PDE1C: variants seen among roughly 807,000 people sequenced by gnomAD.
PDE1C encodes dual specificity calcium/calmodulin-dependent 3',5'-cyclic nucleotide phosphodiesterase 1C.
Under a neutral mutation model 93.1 loss-of-function variants are expected in PDE1C, and 62 were observed. The observed-to-expected ratio is 0.67, with a 90% CI of 0.54 to 0.82. PDE1C has a LOEUF of 0.82. Among genes scored for constraint, PDE1C ranks in the 40% least tolerant of loss-of-function variants. The pLI, the probability that PDE1C is intolerant of heterozygous loss-of-function variation, is 0.00. For missense variants in PDE1C, 742 were observed against 884.6 expected (o/e 0.84, Z 2.04); for synonymous variants, 325 against 310.1 (o/e 1.05, Z -0.50).
At chr7:31,817,224 T>C (rs895819148) in intron 14 of PDE1C, among the ~76,000 whole-genome samples, 1 of 152,054 alleles carries the variant, frequency 6.6e-6, no homozygotes. Context: ...AAGGCCTCCT[T>C]GACAAGGTGA....
At chr7:32,106,815 A>C (rs1202677673) in intron 3 of PDE1C, among the ~76,000 whole-genome samples, 1 of 152,138 alleles carries the variant, frequency 6.6e-6, no homozygotes, top group East Asian at 1.9e-4. Context: ...ACAAAAACAT[A>C]ATCTGAAGTA....
the PDE1C span, among the ~76,000 whole-genome samples, chr7:31,657,031 G>C: frequency 2.7e-5 from 4 of 146,208 alleles, no homozygotes; most frequent in Non-Finnish European, 4.5e-5. Context: ...TGTAATAAAT[G>C]TATGTGTATA....
chr7:31,998,434 G>T (rs1785042325), intron 2 of PDE1C, among the ~76,000 whole-genome samples: 1 of 152,136 alleles, frequency 6.6e-6, no homozygotes, highest in Middle Eastern at 3.2e-3. Context: ...TCTATGGTAG[G>T]CCTCTGTGCA....
chr7:31,652,871 C>T, the PDE1C span: 8,174 of 1,585,030 alleles, frequency 5.2e-3, 30 homozygotes, highest in Non-Finnish European at 5.9e-3. Context: ...ATATAAAGGC[C>T]CAGAACAGAT....
chr7:32,272,869 A>C (rs563619321), intron 1 of PDE1C, among the ~76,000 whole-genome samples: 1 of 152,370 alleles, frequency 6.6e-6, no homozygotes, highest in East Asian at 1.9e-4. Flanking sequence ...AGCTATTCTT[A>C]TTGTGTATAA....
intron 1 of PDE1C, among the ~76,000 whole-genome samples, chr7:32,381,495 C>G (rs1784533568): frequency 6.6e-6 from 1 of 152,066 alleles, no homozygotes; most frequent in African/African-American, 2.4e-5. Context: ...TGCTCTAACC[C>G]CTCCTCTCCT....
chr7:32,270,172 T>TA lies in PDE1C; in HGVS notation c.85+28478dup, dbSNP rs1001238739. 2.8e-4 allele frequency among the ~76,000 whole-genome samples: 43 copies of TA among 151,608 alleles called. No individual in the cohort carries two copies. In the South Asian group the frequency reaches 6.9e-3, roughly 24 times the overall value. On this transcript the variant is annotated intron_variant, in intron 1 of 18. Coordinates refer to the PDE1C transcript ENST00000396193. ...ATTTTACATGCAAGTGTTTGCTTTG[T>TA]AAAAAAAAATCTAAAATAATATACT... is the stretch of plus-strand genomic sequence containing the variant.
chr7:31,670,053 CTA>C, the PDE1C span, among the ~76,000 whole-genome samples: 1 of 152,146 alleles, frequency 6.6e-6, no homozygotes, highest in Non-Finnish European at 1.5e-5. Context: ...CCAGATATTT[CTA>C]TGTCAGGAGC....
the PDE1C span, among the ~76,000 whole-genome samples, chr7:31,730,125 T>A: frequency 6.6e-6 from 1 of 152,086 alleles, no homozygotes; most frequent in African/African-American, 2.4e-5. Flanking sequence ...CCCTAGACGT[T>A]AATTCAGTCT....
chr7:31,787,079 A>T (rs1048930503), intron 16 of PDE1C: 2 of 152,158 alleles, frequency 1.3e-5, no homozygotes, highest in African/African-American at 4.8e-5. Context: ...TTGGTCTTCA[A>T]CTTTTGGATT....
chr7:31,633,654 G>A, the PDE1C span, among the ~76,000 whole-genome samples: 7 of 152,216 alleles, frequency 4.6e-5, no homozygotes, highest in Non-Finnish European at 7.3e-5. Context: ...ATTGGCATTT[G>A]CCTAATCTCT....
rs544783406 is a variant in PDE1C, at chr7:31,966,461, A to G, written c.128+85093T>C. On this transcript the variant is annotated intron_variant, in intron 2 of 17. Transcript: ENST00000396191. ...CAGGAGCACCCAGATTCATAAAGCA[A>G]GTCCTTAGTGACCTACAAAGAGACT... Among the ~76,000 whole-genome samples, 4 of 152,332 alleles carry G rather than the reference A, an allele frequency of 2.6e-5. No individual in the cohort carries two copies. In the South Asian group the frequency reaches 8.3e-4, roughly 32 times the overall value.
chr7:32,159,385 C>A (rs572801594), intron 3 of PDE1C, among the ~76,000 whole-genome samples: 107 of 152,250 alleles, frequency 7.0e-4, no homozygotes, highest in African/African-American at 2.5e-3. Flanking sequence ...TCAATCACAC[C>A]AATCAAGGGA....
chr7:31,870,443 C>G (rs901047332), intron 6 of PDE1C, among the ~76,000 whole-genome samples: 2 of 151,848 alleles, frequency 1.3e-5, no homozygotes, highest in African/African-American at 4.8e-5. Flanking sequence ...ACCACAGAAA[C>G]ACAAAAGGTC....
chr7:32,026,936 T>G (rs1296706063), intron 2 of PDE1C, among the ~76,000 whole-genome samples: 1 of 152,166 alleles, frequency 6.6e-6, no homozygotes, highest in African/African-American at 2.4e-5. Context: ...TGCTGTATGA[T>G]TCCAACTATA....
chr7:32,037,055 G>A (rs1185731958), intron 2 of PDE1C, among the ~76,000 whole-genome samples: 2 of 152,146 alleles, frequency 1.3e-5, no homozygotes, highest in Admixed American at 6.5e-5. Context: ...ACGTAAGAAA[G>A]AAATCATACC....
chr7:32,357,343 A>AAC (rs1562688751), intron 1 of PDE1C, among the ~76,000 whole-genome samples: 1 of 152,092 alleles, frequency 6.6e-6, no homozygotes, highest in Non-Finnish European at 1.5e-5. Context: ...CACACAAAAA[A>AAC]AAAACCTTTA....
the PDE1C span, among the ~76,000 whole-genome samples, chr7:31,617,533 ATAAGAGTTCAGACAAAATTATT>A: frequency 2.0e-5 from 3 of 152,170 alleles, no homozygotes; most frequent in Non-Finnish European, 4.4e-5. Flanking sequence ...GTGAGTGGAG[ATAAGAGTTCAGACAAAATTATT>A]TAAGAGAAAA....
At chr7:31,620,666 A>C in the PDE1C span, among the ~76,000 whole-genome samples, 5 of 150,748 alleles carry the variant, frequency 3.3e-5, no homozygotes, top group Non-Finnish European at 5.9e-5. Flanking sequence ...GGGAAAAAAC[A>C]GAACAGAAAA....
Sources: gnomAD v4.1 joint callset for allele counts (sites outside exome capture counted in the v4.1 genomes callset) on GRCh38, gnomAD v4.1.1 for gene constraint, MANE v1.5 for transcripts, NCBI Gene and HGNC (gene_info 2026-07-23, HGNC 2026-07-21) for gene names.